The following ERGIC1 variants were observed in gnomAD, a reference collection of about 807,000 sequenced individuals.
The protein encoded by ERGIC1 is endoplasmic reticulum-golgi intermediate compartment 1.
A neutral mutation model predicts 38.3 loss-of-function variants in ERGIC1; 19 were observed. The ratio of observed to expected loss-of-function variants is 0.50; its 90% CI spans 0.35 to 0.73. The LOEUF (loss-of-function observed/expected upper bound fraction) is 0.73, where lower values mean the gene tolerates loss of function less well. Among genes scored for constraint, ERGIC1 ranks in the 30% least tolerant of loss-of-function variants. The pLI, the probability that ERGIC1 is intolerant of heterozygous loss-of-function variation, is 0.01. For missense variants in ERGIC1, 294 were observed against 389.2 expected, an observed-to-expected ratio of 0.76 and a Z score of 2.06; for synonymous variants, 124 against 157.6, an observed-to-expected ratio of 0.79 and a Z score of 1.60.
chr5:172,906,838 G>T (rs1763039626), intron 3 of ERGIC1, among the ~76,000 whole-genome samples: 1 of 152,134 alleles, frequency 6.6e-6, no homozygotes, highest in Non-Finnish European at 1.5e-5. Context: ...CCCTCTGGGT[G>T]GGGGGCATTA....
chr5:172,904,944 C>A (rs1273849885), intron 3 of ERGIC1, among the ~76,000 whole-genome samples: 6 of 152,180 alleles, frequency 3.9e-5, no homozygotes, highest in Non-Finnish European at 8.8e-5. Context: ...TGCCCAGCAC[C>A]GCAGCCCCCT....
intron 1 of ERGIC1, among the ~76,000 whole-genome samples, chr5:172,851,669 G>A (rs1456416445): frequency 5.3e-5 from 8 of 152,120 alleles, no homozygotes; most frequent in Non-Finnish European, 7.3e-5. Flanking sequence ...AGGTGGGGGG[G>A]TATGGTCACC....
At chr5:172,877,405 T>C (rs1006287774) in intron 1 of ERGIC1, among the ~76,000 whole-genome samples, 2 of 109,478 alleles carry the variant, frequency 1.8e-5, no homozygotes, top group Non-Finnish European at 4.2e-5. Flanking sequence ...CTAAATATTA[T>C]ATATATGTGT....
chr5:172,906,372 C>A (rs2113359867), intron 3 of ERGIC1, among the ~76,000 whole-genome samples: 1 of 152,262 alleles, frequency 6.6e-6, no homozygotes, highest in South Asian at 2.1e-4. Flanking sequence ...CGAGCCTGTT[C>A]CCTGGTTTTA....
At chr5:172,914,859 C>T in intron 5 of ERGIC1, 21 bp downstream of exon 5, 1 of 1,613,974 alleles carries the variant, frequency 6.2e-7, no homozygotes, top group African/African-American at 1.3e-5. Flanking sequence ...CCTGCCTCAG[C>T]CCTTTCTACC....
intron 1 of ERGIC1, among the ~76,000 whole-genome samples, chr5:172,876,128 G>A (rs956655197): frequency 6.6e-6 from 1 of 151,870 alleles, no homozygotes; most frequent in Non-Finnish European, 1.5e-5. Flanking sequence ...GGATCACTGC[G>A]TTCAGGCAGG....
intron 1 of ERGIC1, among the ~76,000 whole-genome samples, chr5:172,860,795 G>A (rs1455700107): frequency 6.6e-6 from 1 of 152,166 alleles, no homozygotes; most frequent in Non-Finnish European, 1.5e-5. Context: ...GGAGTCCAGG[G>A]TGTTAGCCAC....
chr5:172,880,365 C>G (rs1762250969), intron 1 of ERGIC1, among the ~76,000 whole-genome samples: 1 of 152,050 alleles, frequency 6.6e-6, no homozygotes, highest in Non-Finnish European at 1.5e-5. Flanking sequence ...TACTCTGTCT[C>G]CCAGGCTGGA....
intron 1 of ERGIC1, among the ~76,000 whole-genome samples, chr5:172,861,014 C>T (rs1049155492): frequency 2.0e-5 from 3 of 152,184 alleles, no homozygotes; most frequent in Admixed American, 1.3e-4. Context: ...CTCCTGGGCA[C>T]TCTGCGCTCT....
At chr5:172,887,674 A>G (rs1762456392) in intron 1 of ERGIC1, among the ~76,000 whole-genome samples, 1 of 152,188 alleles carries the variant, frequency 6.6e-6, no homozygotes, top group Non-Finnish European at 1.5e-5. Flanking sequence ...TTCTCCCACT[A>G]CACCACACGA....
intron 1 of ERGIC1, among the ~76,000 whole-genome samples, chr5:172,853,026 T>C (rs1761451775): frequency 6.6e-6 from 1 of 152,238 alleles, no homozygotes; most frequent in Admixed American, 6.5e-5. Context: ...GGAGGGGATC[T>C]CTGGGGAAAG....
chr5:172,915,524 G>A (rs1763339713), intron 5 of ERGIC1: 2 of 466,252 alleles, frequency 4.3e-6, no homozygotes. Context: ...TCAGAACCAG[G>A]AGCTTCAGAT....
intron 3 of ERGIC1, 132 bp downstream of exon 3, chr5:172,897,206 A>G (rs1581552891): frequency 1.3e-6 from 1 of 752,558 alleles, no homozygotes; most frequent in African/African-American, 1.7e-5. Context: ...AGGCGGGCGG[A>G]TCACCTGAGG....
At chr5:172,948,626 T>C (rs996435223) in intron 9 of ERGIC1, among the ~76,000 whole-genome samples, 1 of 152,164 alleles carries the variant, frequency 6.6e-6, no homozygotes, top group African/African-American at 2.4e-5. Context: ...GGTACCTCAG[T>C]GAAGAGGCAT....
chr5:172,855,793 G>T (rs1761535079), intron 1 of ERGIC1, among the ~76,000 whole-genome samples: 1 of 152,196 alleles, frequency 6.6e-6, no homozygotes, highest in Non-Finnish European at 1.5e-5. Context: ...GCATAGAGAG[G>T]CCACGCCTTG....
chr5:172,920,450 C>G (rs1164116541), intron 5 of ERGIC1: 5 of 717,642 alleles, frequency 7.0e-6, no homozygotes, highest in Non-Finnish European at 1.3e-5. Context: ...GACCTCGTTT[C>G]ATCAGCCAGC....
intron 1 of ERGIC1, among the ~76,000 whole-genome samples, chr5:172,843,873 C>T (rs1275682972): frequency 6.6e-6 from 1 of 152,164 alleles, no homozygotes; most frequent in African/African-American, 2.4e-5. Context: ...AATTGGGGTG[C>T]TCATACTTTC....
intron 9 of ERGIC1, among the ~76,000 whole-genome samples, chr5:172,938,764 G>GA (rs111845778): frequency 1.2e-3 from 144 of 121,582 alleles, no homozygotes; most frequent in African/African-American, 2.7e-3. Flanking sequence ...AAAAAAAAAA[G>GA]AAAAAAAAAA....
intron 1 of ERGIC1, among the ~76,000 whole-genome samples, chr5:172,865,674 A>T (rs1405210931): frequency 1.3e-5 from 2 of 152,068 alleles, no homozygotes; most frequent in African/African-American, 4.8e-5. Context: ...CCCTTGCTTT[A>T]GTCTTGCCTG....
Sources: gnomAD v4.1 joint callset for allele counts (sites outside exome capture counted in the v4.1 genomes callset) on GRCh38, gnomAD v4.1.1 for gene constraint, MANE v1.5 for transcripts, NCBI Gene and HGNC (gene_info 2026-07-23, HGNC 2026-07-21) for gene names.